WIPF3: variants seen among roughly 807,000 people sequenced by gnomAD.
WIPF3 encodes WAS/WASL interacting protein family member 3.
WIPF3 carries 33 observed loss-of-function variants against 38.9 expected under a neutral mutation model. The ratio of observed to expected loss-of-function variants is 0.85; its 90% confidence interval spans 0.64 to 1.14. WIPF3 has a LOEUF of 1.14. Among genes scored for constraint, WIPF3 ranks in the 50% most tolerant of loss-of-function variants. WIPF3 has a pLI of 0.00. For missense variants in WIPF3, 711 were observed against 652.5 expected (o/e 1.09, Z -0.98); for synonymous variants, 324 against 269.3 (o/e 1.20, Z -1.99).
intron 3 of WIPF3, among the ~76,000 whole-genome samples, chr7:29,876,738 G>A (rs1255596299): frequency 6.6e-6 from 1 of 152,170 alleles, no homozygotes; most frequent in Non-Finnish European, 1.5e-5. Flanking sequence ...TTTTCACAAG[G>A]AGAAAGATTT....
intron 7 of WIPF3, among the ~76,000 whole-genome samples, chr7:29,896,143 C>T (rs1348054833): frequency 6.6e-6 from 1 of 152,054 alleles, no homozygotes; most frequent in Non-Finnish European, 1.5e-5. Flanking sequence ...TCTGTCTTTA[C>T]AGAAAAATTT....
At chr7:29,866,887 A>G (rs907442371) in intron 2 of WIPF3, among the ~76,000 whole-genome samples, 2 of 152,226 alleles carry the variant, frequency 1.3e-5, no homozygotes, top group African/African-American at 4.8e-5. Flanking sequence ...TTTCCTGGGT[A>G]TAAGAGGCTG....
intron 7 of WIPF3, among the ~76,000 whole-genome samples, chr7:29,900,162 C>G (rs1220373762): frequency 2.0e-5 from 3 of 147,294 alleles, no homozygotes; most frequent in Non-Finnish European, 4.5e-5. Flanking sequence ...GTTCTCAACT[C>G]CTGGCCTCAA....
chr7:29,904,055 A>G (rs1786342338), intron 7 of WIPF3, among the ~76,000 whole-genome samples: 1 of 152,198 alleles, frequency 6.6e-6, no homozygotes, highest in Non-Finnish European at 1.5e-5. Flanking sequence ...TCTAACGTGC[A>G]TTTATTTGAT....
At chr7:29,830,940 T>C (rs977639638) in intron 1 of WIPF3, among the ~76,000 whole-genome samples, 4 of 152,194 alleles carry the variant, frequency 2.6e-5, no homozygotes, top group African/African-American at 9.7e-5. Context: ...AGTGTATTTG[T>C]AACTCCAAAA....
intron 4 of WIPF3, among the ~76,000 whole-genome samples, chr7:29,882,614 A>G (rs1785744189): frequency 6.6e-6 from 1 of 152,164 alleles, no homozygotes; most frequent in East Asian, 1.9e-4. Flanking sequence ...GACATCCAGT[A>G]CTTTAAGTGT....
At position 29,874,541 on chromosome 7, in the gene WIPF3, A is replaced by G. The variant is rs549660037; in HGVS notation, c.91-1289A>G. ...AGTGGTGATATTTAAGCTGAAACCC[A>G]AAGATACATGGTATCCCCGTACAGT... On this transcript the variant is annotated intron_variant, in intron 2 of 8. Transcript: ENST00000242140. Among the ~76,000 whole-genome samples, 4 of 152,314 alleles carry G rather than the reference A, an allele frequency of 2.6e-5. No individual in the cohort carries two copies. In the East Asian group the frequency reaches 7.7e-4, roughly 29 times the overall value.
chr7:29,850,262 C>T (rs945126937), intron 2 of WIPF3, among the ~76,000 whole-genome samples: 4 of 151,878 alleles, frequency 2.6e-5, no homozygotes, highest in Admixed American at 2.6e-4. Context: ...AAAGGAAAAA[C>T]CAAAAGCAAT....
rs1448136953 is a variant in WIPF3, at chr7:29,806,548, C to T, written c.-188C>T. On this transcript the variant is annotated 5_prime_UTR_variant, in exon 1 of 9. Coordinates refer to ENST00000242140, the MANE Select transcript of WIPF3 (RefSeq NM_001080529.3). ...CGGGGAGCGAGCCGGGCGCACCGAGCGCAGCTCGGCGGTAGCGGCGCCGCT... is the reference window on the plus strand; with the variant it reads ...CGGGGAGCGAGCCGGGCGCACCGAGTGCAGCTCGGCGGTAGCGGCGCCGCT... 6.6e-6 allele frequency: 1 copy of T among 151,262 alleles called. No individual in the cohort carries two copies. Among genetic ancestry groups the T allele is most frequent in the Non-Finnish European group, 1.5e-5 (1 of 67,788 alleles). The allele number at this position is 151,262 out of a possible 1,614,324, so 9.4% of individuals were successfully genotyped here. A position where few individuals can be genotyped will look rare whatever the true frequency, so the allele number is the denominator to read the frequency against.
intron 2 of WIPF3, among the ~76,000 whole-genome samples, chr7:29,860,104 A>G (rs1417741793): frequency 1.3e-5 from 2 of 152,176 alleles, no homozygotes; most frequent in Non-Finnish European, 2.9e-5. Flanking sequence ...ATTTTGACTT[A>G]AGTCTGTGGA....
At chr7:29,904,485 G>A (rs1786353334) in intron 8 of WIPF3, 123 bp downstream of exon 8, 2 of 773,874 alleles carry the variant, frequency 2.6e-6, no homozygotes, top group Admixed American at 2.5e-5. Context: ...TTTTCCTCAG[G>A]GAAAGCCATT....
At chr7:29,852,324 C>T (rs1785114776) in intron 2 of WIPF3, among the ~76,000 whole-genome samples, 1 of 152,228 alleles carries the variant, frequency 6.6e-6, no homozygotes. Flanking sequence ...TCTTCAAAGG[C>T]TGGGTTCTCA....
intron 1 of WIPF3, among the ~76,000 whole-genome samples, chr7:29,817,425 CTT>C (rs1398585222): frequency 6.6e-6 from 1 of 151,916 alleles, no homozygotes; most frequent in Non-Finnish European, 1.5e-5. Context: ...GTCTTTCTGA[CTT>C]GTAGATTTTA....
At chr7:29,850,090 C>G (rs749490207) in intron 2 of WIPF3, among the ~76,000 whole-genome samples, 1 of 152,194 alleles carries the variant, frequency 6.6e-6, no homozygotes, top group African/African-American at 2.4e-5. Flanking sequence ...GAAACTATAT[C>G]TGTTTACTAA....
chr7:29,860,127 A>G (rs1785250181), intron 2 of WIPF3, among the ~76,000 whole-genome samples: 3 of 152,216 alleles, frequency 2.0e-5, no homozygotes. Context: ...TCTGATCTGC[A>G]TCTAGAGAAC....
At position 29,882,997 on chromosome 7, in the gene WIPF3, A is replaced by G. The variant is rs1428522659; in HGVS notation, c.356-853A>G. Reference sequence around the variant, plus strand: ...TTTCTTATTAGAGAGAGGCAGAGCGAAAAAAGGGTGAGAACTGGCAAAAAG... The same window carrying G: ...TTTCTTATTAGAGAGAGGCAGAGCGGAAAAAGGGTGAGAACTGGCAAAAAG... On this transcript the variant is annotated intron_variant, in intron 4 of 8. Coordinates refer to ENST00000242140, the MANE Select transcript of WIPF3 (RefSeq NM_001080529.3). 3.3e-5 allele frequency among the ~76,000 whole-genome samples: 5 copies of G among 152,320 alleles called. No individual in the cohort carries two copies. In the East Asian group the frequency reaches 9.7e-4, roughly 29 times the overall value.
intron 2 of WIPF3, among the ~76,000 whole-genome samples, chr7:29,863,681 G>T (rs1368695779): frequency 6.6e-6 from 1 of 152,156 alleles, no homozygotes; most frequent in African/African-American, 2.4e-5. Context: ...TCTTTCCTAT[G>T]TTGAGTTATC....
intron 2 of WIPF3, among the ~76,000 whole-genome samples, chr7:29,840,550 G>A (rs892870301): frequency 6.6e-6 from 1 of 152,218 alleles, no homozygotes; most frequent in Non-Finnish European, 1.5e-5. Context: ...ATGAATACAT[G>A]AATGAATGAA....
chr7:29,914,396 T>C, intron 8 of WIPF3, 97 bp from the exon 9 acceptor site: 1 of 1,040,134 alleles, frequency 9.6e-7, no homozygotes, highest in Non-Finnish European at 1.3e-6. Flanking sequence ...AATGAGAAGC[T>C]TCGGGGCCCA....
Sources: gnomAD v4.1 joint callset for allele counts (sites outside exome capture counted in the v4.1 genomes callset) on GRCh38, gnomAD v4.1.1 for gene constraint, MANE v1.5 for transcripts, NCBI Gene and HGNC (gene_info 2026-07-23, HGNC 2026-07-21) for gene names.